SIPA1L1: variants seen among roughly 807,000 people sequenced by gnomAD.
The protein encoded by SIPA1L1 is signal-induced proliferation-associated 1-like protein 1.
SIPA1L1 carries 26 observed loss-of-function variants against 162.7 expected under a neutral mutation model. That is an observed-to-expected ratio of 0.16 (90% CI 0.12 to 0.22). The LOEUF (loss-of-function observed/expected upper bound fraction) is 0.22, where lower values mean the gene tolerates loss of function less well. Among genes scored for constraint, SIPA1L1 ranks in the 10% least tolerant of loss-of-function variants. The probability of loss-of-function intolerance (pLI) is 1.00; values close to 1 mark genes in which losing one functional copy is unlikely to be tolerated. For missense variants in SIPA1L1, 1,874 were observed against 2,241.0 expected, an observed-to-expected ratio of 0.84 and a Z score of 3.31; for synonymous variants, 829 against 837.4, an observed-to-expected ratio of 0.99 and a Z score of 0.17.
chr14:71,348,549 C>A (rs1461247156), intron 2 of SIPA1L1, among the ~76,000 whole-genome samples: 1 of 152,148 alleles, frequency 6.6e-6, no homozygotes, highest in Non-Finnish European at 1.5e-5. Flanking sequence ...CCCTTTCTTG[C>A]ATGCATGTTG....
At chr14:71,534,382 G>A (rs576617864) in intron 4 of SIPA1L1, among the ~76,000 whole-genome samples, 1 of 152,146 alleles carries the variant, frequency 6.6e-6, no homozygotes, top group Admixed American at 6.5e-5. Flanking sequence ...TTATTTATTC[G>A]TGGCAGCAAA....
At chr14:71,616,812 C>G (rs186287945) in intron 5 of SIPA1L1, among the ~76,000 whole-genome samples, 1 of 152,056 alleles carries the variant, frequency 6.6e-6, no homozygotes, top group Non-Finnish European at 1.5e-5. Flanking sequence ...GAGTTGCTGA[C>G]CAGGGAAAGC....
chr14:71,499,097 T>C (rs904264319), intron 2 of SIPA1L1, among the ~76,000 whole-genome samples: 1 of 152,254 alleles, frequency 6.6e-6, no homozygotes, highest in African/African-American at 2.4e-5. Flanking sequence ...TAAATCATGG[T>C]TTGCAGGGTT....
intron 2 of SIPA1L1, among the ~76,000 whole-genome samples, chr14:71,444,749 A>G (rs2045213690): frequency 1.3e-5 from 2 of 152,188 alleles, no homozygotes; most frequent in African/African-American, 2.4e-5. Flanking sequence ...CTGAGAGAAC[A>G]TAGTTGGACC....
At chr14:71,438,644 A>G (rs1164882179) in intron 2 of SIPA1L1, among the ~76,000 whole-genome samples, 1 of 152,198 alleles carries the variant, frequency 6.6e-6, no homozygotes, top group Non-Finnish European at 1.5e-5. Context: ...ACCAGAAAAC[A>G]GAAAAATTGT....
chr14:71,569,540 T>C (rs1255333605), intron 4 of SIPA1L1, among the ~76,000 whole-genome samples: 1 of 152,210 alleles, frequency 6.6e-6, no homozygotes, highest in African/African-American at 2.4e-5. Flanking sequence ...AAATGTATCC[T>C]AGAAATGAAC....
At chr14:71,594,983 T>C (rs552466948) in intron 5 of SIPA1L1, among the ~76,000 whole-genome samples, 1 of 152,292 alleles carries the variant, frequency 6.6e-6, no homozygotes, top group African/African-American at 2.4e-5. Flanking sequence ...AGGTCCTCTC[T>C]TTTCTTCACT....
chr14:71,333,979 G>A lies in SIPA1L1; in HGVS notation c.-465+12798G>A, dbSNP rs149921043. Reference sequence around the variant, plus strand: ...GAGATGATGTGGAGTGTGACAAAGAGTATACTCAAGGATGACACCGAGGTG... The same window carrying A: ...GAGATGATGTGGAGTGTGACAAAGAATATACTCAAGGATGACACCGAGGTG... On this transcript the variant is annotated intron_variant, in intron 2 of 23. Transcript: ENST00000381232. Among the ~76,000 whole-genome samples, 537 of 152,324 alleles carry A rather than the reference G, an allele frequency of 3.5e-3. 8 individuals carry two copies. Among genetic ancestry groups the A allele is most frequent in the Non-Finnish European group, 4.9e-3 (335 of 68,032 alleles).
chr14:71,631,838 T>A (rs917052624), intron 7 of SIPA1L1, among the ~76,000 whole-genome samples: 1 of 152,232 alleles, frequency 6.6e-6, no homozygotes, highest in African/African-American at 2.4e-5. Flanking sequence ...CAATACGGAA[T>A]TTTTCCAGTT....
chr14:71,375,945 T>C (rs1162097989), intron 2 of SIPA1L1, among the ~76,000 whole-genome samples: 1 of 152,194 alleles, frequency 6.6e-6, no homozygotes, highest in African/African-American at 2.4e-5. Context: ...CCTTTTTATA[T>C]AGTATTGGAT....
intron 2 of SIPA1L1, among the ~76,000 whole-genome samples, chr14:71,426,383 A>T (rs1200792877): frequency 2.1e-5 from 3 of 144,314 alleles, no homozygotes; most frequent in South Asian, 2.2e-4. Flanking sequence ...AACCTTTAAA[A>T]TTTTTTTTTT....
chr14:71,528,822 C>T (rs565048165), intron 3 of SIPA1L1: 1 of 152,268 alleles, frequency 6.6e-6, no homozygotes, highest in African/African-American at 2.4e-5. Flanking sequence ...TATTATAATA[C>T]TACAGACAGG....
intron 4 of SIPA1L1, chr14:71,574,722 C>T (rs1216388681): frequency 6.8e-6 from 1 of 147,714 alleles, no homozygotes; most frequent in African/African-American, 2.5e-5. Flanking sequence ...AAAAAAAAGA[C>T]TTCCTGCCAC....
At chr14:71,706,687 T>C (rs527928645) in intron 16 of SIPA1L1, among the ~76,000 whole-genome samples, 3 of 152,114 alleles carry the variant, frequency 2.0e-5, no homozygotes, top group Admixed American at 6.5e-5. Flanking sequence ...GTAACACCAA[T>C]AAAGTAAGTG....
intron 2 of SIPA1L1, among the ~76,000 whole-genome samples, chr14:71,425,556 C>T (rs1016635573): frequency 3.9e-5 from 6 of 152,076 alleles, no homozygotes; most frequent in South Asian, 2.1e-4. Flanking sequence ...CTAACTTCAT[C>T]GTGTTGTGAT....
chr14:71,541,429 C>G (rs2054369845), intron 4 of SIPA1L1, among the ~76,000 whole-genome samples: 1 of 151,530 alleles, frequency 6.6e-6, no homozygotes, highest in African/African-American at 2.4e-5. Flanking sequence ...ATTCAAAGAG[C>G]AGGAAACAGA....
intron 4 of SIPA1L1, among the ~76,000 whole-genome samples, chr14:71,538,426 A>G (rs1306130534): frequency 1.3e-5 from 2 of 152,218 alleles, no homozygotes; most frequent in African/African-American, 4.8e-5. Flanking sequence ...TCCACCTGGT[A>G]CACAGGGACA....
chr14:71,390,135 C>G (rs957958988), intron 2 of SIPA1L1, among the ~76,000 whole-genome samples: 11 of 152,070 alleles, frequency 7.2e-5, no homozygotes, highest in African/African-American at 2.7e-4. Context: ...AAAAAATGGT[C>G]CAGAAACCTG....
chr14:71,618,724 T>A (rs1486071502), intron 5 of SIPA1L1, 33 bp from the exon 6 acceptor site: 1 of 1,601,372 alleles, frequency 6.2e-7, no homozygotes, highest in Non-Finnish European at 8.5e-7. Context: ...TTAGGTAGAT[T>A]TTCTAACTTT....
Sources: gnomAD v4.1 joint callset for allele counts (sites outside exome capture counted in the v4.1 genomes callset) on GRCh38, gnomAD v4.1.1 for gene constraint, MANE v1.5 for transcripts, NCBI Gene and HGNC (gene_info 2026-07-23, HGNC 2026-07-21) for gene names.